The following TMEM184A variants were observed in gnomAD, a reference collection of about 807,000 sequenced individuals.
The protein encoded by TMEM184A is sexually dimorphic, expressed in male gonads 1.
A neutral mutation model predicts 39.5 loss-of-function variants in TMEM184A; 40 were observed. The observed-to-expected ratio is 1.01, with a 90% CI of 0.79 to 1.32. The LOEUF is 1.32. Ranked by LOEUF, TMEM184A falls within the 40% of genes most tolerant of loss-of-function variation. The probability of loss-of-function intolerance (pLI) is 0.00; values close to 1 mark genes in which losing one functional copy is unlikely to be tolerated. For missense variants in TMEM184A, 603 were observed against 568.8 expected (o/e 1.06, Z -0.61); for synonymous variants, 280 against 252.3 (o/e 1.11, Z -1.04).
At chr7:1,553,985 C>T (rs912557080) in intron 2 of TMEM184A, among the ~76,000 whole-genome samples, 5 of 152,090 alleles carry the variant, frequency 3.3e-5, no homozygotes, top group African/African-American at 7.2e-5. Flanking sequence ...CACACACAGC[C>T]GGTTCCCAGG....
chr7:1,554,749 C>T (rs1778482889), intron 2 of TMEM184A, among the ~76,000 whole-genome samples: 1 of 152,194 alleles, frequency 6.6e-6, no homozygotes, highest in Non-Finnish European at 1.5e-5. Context: ...TGGCTTCGGG[C>T]TTGGGGAAGT....
intron 3 of TMEM184A, 43 bp downstream of exon 3, chr7:1,550,774 T>C (rs765240715): frequency 6.2e-7 from 1 of 1,603,220 alleles, no homozygotes; most frequent in Non-Finnish European, 8.5e-7. Flanking sequence ...CCCCGGGGAG[T>C]CTCTCCCTCC....
intron 6 of TMEM184A, chr7:1,549,094 G>T: frequency 2.1e-6 from 1 of 476,784 alleles, no homozygotes; most frequent in Non-Finnish European, 4.2e-6. Flanking sequence ...GCACATAGGT[G>T]TGTGTGCATG....
Position 1,555,167 on chromosome 7 carries a change from G to C in TMEM184A, c.219+99C>G. 9.9e-7 allele frequency: 1 copy of C among 1,007,786 alleles called. No individual in the cohort carries two copies. Among genetic ancestry groups the C allele is most frequent in the Non-Finnish European group, 1.4e-6 (1 of 709,684 alleles). 62.4% of individuals were successfully genotyped at this position (1,007,786 alleles called of 1,614,324 possible). A position where few individuals can be genotyped will look rare whatever the true frequency, so the allele number is the denominator to read the frequency against. ...GCCCTGGCCGATCCCACTTCTGACA[G>C]CGTCTATAGCAGCGGCACCCAGGGG... On this transcript the variant is annotated intron_variant, in intron 2 of 8. Coordinates refer to ENST00000297477, the MANE Select transcript of TMEM184A (RefSeq NM_001097620.2). This position sits in a 1 kb window ranked among gnomAD's most constrained non-coding sequence, Gnocchi z 5.2.
chr7:1,549,407 C>T (rs1784491524), intron 6 of TMEM184A: 1 of 301,106 alleles, frequency 3.3e-6, no homozygotes, highest in Non-Finnish European at 6.5e-6. Context: ...GCCAACAGGT[C>T]GGGGTGGACC....
chr7:1,548,064 C>T (rs1784419671), intron 7 of TMEM184A, 125 bp from the exon 8 acceptor site: 4 of 1,102,556 alleles, frequency 3.6e-6, no homozygotes, highest in Non-Finnish European at 5.1e-6. Context: ...CTCGTCCCAC[C>T]CCAGGAGACT....
At chr7:1,550,423 T>A (rs904833797) in intron 3 of TMEM184A, 28 bp from the exon 4 acceptor site, 2 of 1,580,944 alleles carry the variant, frequency 1.3e-6, no homozygotes, top group Non-Finnish European at 1.7e-6. Context: ...GGGGACCGGC[T>A]GTGAGCCCTG....
rs572146565 is a variant in TMEM184A at position 1,555,299 on chromosome 7, G to A, written c.186C>T (p.Phe62=). ...SALARGVSGI[F]VWTALVLTCH... is the part of the protein sequence containing the mutation. ...AGGTGAGCACCAGGGCAGTCCACAC[G>A]AAGATCCCCGAGACGCCTCGGGCCA... The change falls in exon 2 of 9, where the codon TTC becomes TTT. Residue 62 remains phenylalanine, a synonymous_variant. Transcript: ENST00000297477. The surrounding 1 kb of genome is among the most constrained non-coding windows in gnomAD (Gnocchi z 5.2). 1.1e-5 allele frequency: 18 copies of A among 1,607,638 alleles called. No individual in the cohort carries two copies. The highest frequency in any genetic ancestry group is 1.0e-4 in the Admixed American group (6 of 59,122).
intron 2 of TMEM184A, among the ~76,000 whole-genome samples, 182 bp from the exon 3 acceptor site, chr7:1,551,164 C>T (rs1166109073): frequency 2.1e-5 from 1 of 47,740 alleles, no homozygotes; most frequent in Non-Finnish European, 4.1e-5. Flanking sequence ...CAGGAGGGTT[C>T]GCGTGAGAGC....
At chr7:1,549,677 G>T (rs950669954) in intron 6 of TMEM184A, 177 bp downstream of exon 6, 3 of 714,586 alleles carry the variant, frequency 4.2e-6, no homozygotes, top group African/African-American at 3.5e-5. Context: ...CTGCCTTGTT[G>T]GGCCCCACCG....
chr7:1,549,115 GCA>G (rs1562557423), intron 6 of TMEM184A: 2 of 469,606 alleles, frequency 4.3e-6, no homozygotes, highest in Non-Finnish European at 8.5e-6. Flanking sequence ...TATGTCGTGT[GCA>G]CACAGGTGGG....
chr7:1,548,971 C>T, intron 6 of TMEM184A: 2 of 607,582 alleles, frequency 3.3e-6, no homozygotes, highest in Non-Finnish European at 6.2e-6. Context: ...ACTGCTCAGG[C>T]AGCATCCAGG....
In TMEM184A at chr7:1,550,808, G is replaced by A. The variant is rs1406254478; in HGVS notation, c.385+9C>T. The A allele has an allele frequency of 9.3e-6, 15 of 1,611,916 alleles. No individual in the cohort carries two copies. The highest frequency in any genetic ancestry group is 1.3e-5 in the Non-Finnish European group (15 of 1,179,552). On this transcript the variant is annotated intron_variant, in intron 3 of 8. Coordinates refer to ENST00000297477, the MANE Select transcript of TMEM184A (RefSeq NM_001097620.2). ...CCGCTCCCCCGACCTGACGCAGCCT[G>A]GCGCCCACCTTCGTAGCAGTCCCGC...
intron 6 of TMEM184A, 175 bp downstream of exon 6, chr7:1,549,679 G>T (rs1385903846): frequency 2.8e-6 from 2 of 717,218 alleles, no homozygotes; most frequent in Non-Finnish European, 2.5e-6. Context: ...GCCTTGTTGG[G>T]CCCCACCGCT....
Position 1,546,074 on chromosome 7 carries a change from TCTGCCCTGCA to T in TMEM184A, c.*868_*877del, listed in dbSNP as rs1247620322. 2 of 152,418 alleles carry T rather than the reference TCTGCCCTGCA, an allele frequency of 1.3e-5. No individual in the cohort carries two copies. The highest frequency in any genetic ancestry group is 2.4e-5 in the African/African-American group (1 of 41,416). 9.4% of individuals were successfully genotyped at this position (152,418 alleles called of 1,614,324 possible). On this transcript the variant is annotated 3_prime_UTR_variant, in exon 9 of 9. Transcript: ENST00000297477. The stretch of plus-strand genomic sequence containing the variant: ...GTGGCTGTGATCGCACAGCCCAGGC[TCTGCCCTGCA>T]CTGCCCTGGACCACGAGGCTGCCCA...
chr7:1,548,457 C>T lies in TMEM184A; in HGVS notation c.814+62G>A, dbSNP rs1468880051. On this transcript the variant is annotated intron_variant, in intron 7 of 8. Coordinates refer to ENST00000297477, the MANE Select transcript of TMEM184A (RefSeq NM_001097620.2). ...CTGGGGAAAGGGGTGTGAGGTGACC[C>T]CAGGCTCACTGGACTGCAGCCCCCA... 4 of 1,553,834 alleles carry T rather than the reference C, an allele frequency of 2.6e-6. No individual in the cohort carries two copies. The East Asian group carries it at 9.0e-5, about 35-fold the overall frequency.
rs908488358 is a variant in TMEM184A, at chr7:1,546,573, G to C, written c.*379C>G. On this transcript the variant is annotated 3_prime_UTR_variant, in exon 9 of 9. Coordinates refer to ENST00000297477, the MANE Select transcript of TMEM184A (RefSeq NM_001097620.2). ...CCAGCCTGGGATCCGTCCGCTGTCT[G>C]TCTCCTGAACCAGGGAGTCTGACCC... 2 of 193,022 alleles carry C rather than the reference G, an allele frequency of 1.0e-5. No individual in the cohort carries two copies. The highest frequency in any genetic ancestry group is 4.6e-5 in the African/African-American group (2 of 43,016). 12.0% of individuals were successfully genotyped at this position (193,022 alleles called of 1,614,324 possible).
Position 1,550,502 on chromosome 7 carries a change from G to A in TMEM184A, c.386-107C>T, listed in dbSNP as rs114355082. The stretch of plus-strand genomic sequence containing the variant: ...GGAGGCTCGGGAGGGGCTGAGCCCA[G>A]CAGGCCACACAGCAAGAGGCTCCTG... On this transcript the variant is annotated intron_variant, in intron 3 of 8. Transcript: ENST00000297477. 5.1e-3 allele frequency: 4,757 copies of A among 940,502 alleles called. 169 individuals carry two copies. The African/African-American group carries it at 0.07, about 14-fold the overall frequency. The allele number at this position is 940,502 out of a possible 1,614,324, so 58.3% of individuals were successfully genotyped here. A position where few individuals can be genotyped will look rare whatever the true frequency, so the allele number is the denominator to read the frequency against.
In TMEM184A at chr7:1,547,177, G is replaced by C. The variant is rs763409858; in HGVS notation, c.1017C>G (p.Pro339=). ...TGGAGATGCTCTGCATGGGTGCCGGGGGGGCTGGGGGAGGGCAGTGTATGA... is the reference window on the plus strand; with the variant it reads ...TGGAGATGCTCTGCATGGGTGCCGGCGGGGCTGGGGGAGGGCAGTGTATGA... ...YAEKKENSPA[P]PAPMQSISSG... The change falls in exon 9 of 9, where the codon CCC becomes CCG. Residue 339 remains proline, a synonymous_variant. Transcript: ENST00000297477. 1.3e-6 allele frequency: 2 copies of C among 1,584,866 alleles called. No individual in the cohort carries two copies. Among genetic ancestry groups the C allele is most frequent in the Non-Finnish European group, 1.7e-6 (2 of 1,164,718 alleles).
Sources: allele counts gnomAD v4.1 joint callset (sites outside exome capture counted in the v4.1 genomes callset), GRCh38; gene constraint gnomAD v4.1.1; non-coding constraint Gnocchi (gnomAD v3.1); transcripts MANE v1.5; gene names NCBI Gene and HGNC (gene_info 2026-07-23, HGNC 2026-07-21).